The following BMPER variants were observed in gnomAD, a reference collection of about 807,000 sequenced individuals.
BMPER encodes BMP binding endothelial regulator.
Under a neutral mutation model 87.3 loss-of-function variants are expected in BMPER, and 45 were observed. The observed-to-expected ratio is 0.52, with a 90% CI of 0.41 to 0.66. BMPER has a LOEUF of 0.66. Among genes scored for constraint, BMPER ranks in the 30% least tolerant of loss-of-function variants. The pLI is 0.00. For missense variants in BMPER, 784 were observed against 867.5 expected (o/e 0.90, Z 1.21); for synonymous variants, 326 against 316.2 (o/e 1.03, Z -0.33).
intron 2 of BMPER, among the ~76,000 whole-genome samples, chr7:33,910,332 C>T (rs1783927792): frequency 6.6e-6 from 1 of 152,186 alleles, no homozygotes; most frequent in Non-Finnish European, 1.5e-5. Context: ...ACGTTGGTGC[C>T]TGCCCTGGAG....
At chr7:33,906,206 G>A (rs868631182) in intron 1 of BMPER, among the ~76,000 whole-genome samples, 15 of 152,100 alleles carry the variant, frequency 9.9e-5, no homozygotes, top group African/African-American at 3.6e-4. Flanking sequence ...ACTAATAGCC[G>A]GATATAATAA....
At chr7:34,093,635 A>G (rs1789453166) in intron 13 of BMPER, among the ~76,000 whole-genome samples, 1 of 152,190 alleles carries the variant, frequency 6.6e-6, no homozygotes, top group Non-Finnish European at 1.5e-5. Context: ...TCAAGGTTAA[A>G]TGCCATTTTG....
Position 33,946,919 on chromosome 7 carries a change from A to G in BMPER, c.319+9531A>G, listed in dbSNP as rs938273341. 1.3e-5 allele frequency among the ~76,000 whole-genome samples: 2 copies of G among 152,362 alleles called. 1 individual carries two copies. Among genetic ancestry groups the G allele is most frequent in the South Asian group, 4.1e-4 (2 of 4,832 alleles). On this transcript the variant is annotated intron_variant, in intron 3 of 14. Coordinates refer to ENST00000649409, the MANE Select transcript of BMPER (RefSeq NM_001365308.1). ...ACAATTATTTGTGAATCCACGGGCC[A>G]GGTATTTATAGAATAGTGCTGCTTA...
intron 13 of BMPER, among the ~76,000 whole-genome samples, chr7:34,141,937 G>A (rs953307760): frequency 6.6e-6 from 1 of 152,188 alleles, no homozygotes; most frequent in African/African-American, 2.4e-5. Flanking sequence ...GTAGCTGACT[G>A]CTCTCGACAA....
intron 11 of BMPER, among the ~76,000 whole-genome samples, chr7:34,074,101 G>A (rs1165723627): frequency 6.6e-6 from 1 of 152,194 alleles, no homozygotes. Context: ...ATGGAATTAT[G>A]GAAAATATGT....
intron 11 of BMPER, among the ~76,000 whole-genome samples, chr7:34,075,611 A>C (rs1440185697): frequency 1.3e-5 from 2 of 152,176 alleles, no homozygotes; most frequent in East Asian, 1.9e-4. Context: ...GCATATTCAA[A>C]CAAGGTTAGT....
chr7:34,084,255 C>T (rs1187385190), intron 12 of BMPER, among the ~76,000 whole-genome samples: 2 of 152,142 alleles, frequency 1.3e-5, no homozygotes, highest in Non-Finnish European at 2.9e-5. Context: ...TAGCTGAGAT[C>T]GCACCACTGC....
intron 3 of BMPER, among the ~76,000 whole-genome samples, chr7:33,950,773 C>A (rs1785000808): frequency 6.6e-6 from 1 of 152,146 alleles, no homozygotes; most frequent in Admixed American, 6.5e-5. Flanking sequence ...AAGGATTGCA[C>A]AAAGTAGGTG....
chr7:33,950,497 G>T (rs1198285467), intron 3 of BMPER, among the ~76,000 whole-genome samples: 1 of 152,136 alleles, frequency 6.6e-6, no homozygotes, highest in Non-Finnish European at 1.5e-5. Flanking sequence ...ATGTCATCCA[G>T]GGCTGGTCTC....
chr7:34,092,573 G>A (rs1260171458), intron 13 of BMPER, among the ~76,000 whole-genome samples: 4 of 152,156 alleles, frequency 2.6e-5, no homozygotes, highest in African/African-American at 9.7e-5. Context: ...CATTGGCTCT[G>A]AGCCTTCTGT....
intron 13 of BMPER, among the ~76,000 whole-genome samples, chr7:34,123,226 G>A (rs940373237): frequency 5.3e-5 from 8 of 152,132 alleles, no homozygotes; most frequent in Admixed American, 2.6e-4. Flanking sequence ...CTAAAATTAT[G>A]TATCTTAGTT....
At chr7:34,064,412 A>G (rs1363912464) in intron 11 of BMPER, among the ~76,000 whole-genome samples, 2 of 152,250 alleles carry the variant, frequency 1.3e-5, no homozygotes. Flanking sequence ...TTATATTATC[A>G]GTTTATTCAT....
At chr7:34,108,772 A>G (rs1030450223) in intron 13 of BMPER, among the ~76,000 whole-genome samples, 2 of 152,232 alleles carry the variant, frequency 1.3e-5, no homozygotes, top group Non-Finnish European at 2.9e-5. Context: ...TTGGATTGCA[A>G]TGGGAAAACC....
At chr7:33,921,591 T>A (rs1006068204) in intron 2 of BMPER, among the ~76,000 whole-genome samples, 1 of 152,128 alleles carries the variant, frequency 6.6e-6, no homozygotes, top group Non-Finnish European at 1.5e-5. Flanking sequence ...TCAACAGTCC[T>A]TGCAGTCTAG....
intron 10 of BMPER, among the ~76,000 whole-genome samples, chr7:34,061,404 A>G (rs1412339840): frequency 6.6e-6 from 1 of 152,214 alleles, no homozygotes; most frequent in Non-Finnish European, 1.5e-5. Context: ...CAGTGTTTCA[A>G]AATTCTCAGC....
Position 34,154,707 on chromosome 7 carries a change from T to G in BMPER, c.*1434T>G, listed in dbSNP as rs1176180684. 2 of 152,176 alleles carry G rather than the reference T, an allele frequency of 1.3e-5. No individual in the cohort carries two copies. The highest frequency in any genetic ancestry group is 2.9e-5 in the Non-Finnish European group (2 of 68,034). The allele number at this position is 152,176 out of a possible 1,614,324, so 9.4% of individuals were successfully genotyped here. A position where few individuals can be genotyped will look rare whatever the true frequency, so the allele number is the denominator to read the frequency against. ...TCGTCAAAGACATTTATGTTTCTTT[T>G]ACATTCATGACAGCTAAAGTATTAA... On this transcript the variant is annotated 3_prime_UTR_variant, in exon 15 of 15. Coordinates refer to ENST00000649409, the MANE Select transcript of BMPER (RefSeq NM_001365308.1).
upstream of BMPER, chr7:33,905,359 GA>G (rs34276608): frequency 0.04 from 9,712 of 245,466 alleles, no homozygotes; most frequent in South Asian, 0.052. Context: ...ACTCCCTCAG[GA>G]AAAAAAAAAA....
rs79111539 is a variant in BMPER, at chr7:34,004,507, G to C, written c.576+29723G>C. ...TTTGTTGAAAACTGGATGCATTTAT[G>C]ATAACATAATATAGCAAGTCTGAAA... On this transcript the variant is annotated intron_variant, in intron 6 of 14. Coordinates refer to ENST00000649409, the MANE Select transcript of BMPER (RefSeq NM_001365308.1). 1.4e-4 allele frequency among the ~76,000 whole-genome samples: 22 copies of C among 152,164 alleles called. No homozygotes were observed. In the East Asian group the frequency reaches 4.1e-3, roughly 28 times the overall value.
chr7:33,939,939 C>A, intron 3 of BMPER: 1 of 281,588 alleles, frequency 3.6e-6, no homozygotes, highest in South Asian at 3.5e-5. Context: ...TCTCTTTCTA[C>A]CTCGTAATAC....
Sources: gnomAD v4.1 joint callset for allele counts (sites outside exome capture counted in the v4.1 genomes callset) on GRCh38, gnomAD v4.1.1 for gene constraint, MANE v1.5 for transcripts, NCBI Gene and HGNC (gene_info 2026-07-23, HGNC 2026-07-21) for gene names.